Variants in MICU3 observed in about 807,000 individuals in gnomAD.
The protein encoded by MICU3 is mitochondrial calcium uptake 3.
A neutral mutation model predicts 66.5 loss-of-function variants in MICU3; 62 were observed. The observed-to-expected ratio is 0.93, with a 90% confidence interval of 0.76 to 1.15. The LOEUF (loss-of-function observed/expected upper bound fraction) is 1.15, where lower values mean the gene tolerates loss of function less well. Ranked by LOEUF, MICU3 falls within the 50% of genes most tolerant of loss-of-function variation. The pLI, the probability that MICU3 is intolerant of heterozygous loss-of-function variation, is 0.00. For missense variants in MICU3, 779 were observed against 664.4 expected (o/e 1.17, Z -1.90); for synonymous variants, 308 against 240.7 (o/e 1.28, Z -2.59).
At chr8:17,105,676 CTG>C in intron 11 of MICU3, 92 bp downstream of exon 11, 1 of 647,390 alleles carries the variant, frequency 1.5e-6, no homozygotes, top group Non-Finnish European at 2.5e-6. Flanking sequence ...TTTGGCTTCT[CTG>C]TGGATTAAAA....
At chr8:17,082,217 A>T (rs888034143) in intron 5 of MICU3, among the ~76,000 whole-genome samples, 7 of 152,076 alleles carry the variant, frequency 4.6e-5, no homozygotes, top group African/African-American at 1.7e-4. Context: ...TTTCAGTTAA[A>T]TTTCTTTGCA....
In MICU3 at chr8:17,122,243, A is replaced by AAGTAAATTACAGTGATTTCCATCATATT. The variant is rs1737197714; in HGVS notation, c.*1958_*1985dup. ...AAATGTTCTGATAAAATAGAAAAGA[A>AAGTAAATTACAGTGATTTCCATCATATT]AGTAAATTACAGTGATTTCCATCAT... is the stretch of plus-strand genomic sequence containing the variant. On this transcript the variant is annotated 3_prime_UTR_variant, in exon 15 of 15. Coordinates refer to ENST00000318063, the MANE Select transcript of MICU3 (RefSeq NM_181723.3). 6.6e-6 allele frequency: 1 copy of AAGTAAATTACAGTGATTTCCATCATATT among 151,864 alleles called. No homozygotes were observed. The highest frequency in any genetic ancestry group is 2.4e-5 in the African/African-American group (1 of 41,428). The allele number at this position is 151,864 out of a possible 1,614,324, so 9.4% of individuals were successfully genotyped here.
At chr8:17,111,351 C>T (rs1160943548) in intron 11 of MICU3, among the ~76,000 whole-genome samples, 1 of 151,986 alleles carries the variant, frequency 6.6e-6, no homozygotes, top group East Asian at 1.9e-4. Context: ...CAGACAGGGT[C>T]TCACTCTGTT....
chr8:17,037,926 TG>T (rs1437443011), intron 1 of MICU3, among the ~76,000 whole-genome samples: 1 of 152,206 alleles, frequency 6.6e-6, no homozygotes, highest in East Asian at 1.9e-4. Flanking sequence ...TGGACTGGCA[TG>T]GGACTGTAGC....
chr8:17,027,304 T>G lies in MICU3; in HGVS notation c.25T>G (p.Trp9Gly). Residue 9 changes from tryptophan to glycine, a missense_variant, in exon 1 of 15, where the codon TGG becomes GGG. By Grantham distance (184) the Trp-to-Gly change is radical (BLOSUM62 -2). Transcript: ENST00000318063. Reference sequence around the variant, plus strand: ...TATGGCTGCGCTGCGAAGGCTCTTGTGGCCGCCACCCCGGGTGTCTCCTCC... The same window carrying G: ...TATGGCTGCGCTGCGAAGGCTCTTGGGGCCGCCACCCCGGGTGTCTCCTCC... The part of the protein sequence containing the change: MAALRRLL[W>G]PPPRVSPPLC... 5.1e-6 allele frequency: 7 copies of G among 1,382,094 alleles called. No individual in the cohort carries two copies. The highest frequency in any genetic ancestry group is 6.6e-6 in the Non-Finnish European group (7 of 1,056,358). 85.6% of individuals were successfully genotyped at this position (1,382,094 alleles called of 1,614,324 possible).
intron 5 of MICU3, among the ~76,000 whole-genome samples, chr8:17,084,465 G>T (rs1821661731): frequency 6.6e-6 from 1 of 152,016 alleles, no homozygotes; most frequent in South Asian, 2.1e-4. Flanking sequence ...TCTGTGGGGG[G>T]TCCCTTTTTC....
chr8:17,030,875 C>G (rs1172001648), intron 1 of MICU3, among the ~76,000 whole-genome samples: 1 of 152,148 alleles, frequency 6.6e-6, no homozygotes, highest in East Asian at 1.9e-4. Flanking sequence ...TCTCTTAAGT[C>G]AATTATCACT....
chr8:17,028,450 T>A (rs1488384256), intron 1 of MICU3, among the ~76,000 whole-genome samples: 1 of 152,306 alleles, frequency 6.6e-6, no homozygotes, highest in Non-Finnish European at 1.5e-5. Flanking sequence ...GGAGCGTGAT[T>A]TTTTTTGTCG....
At chr8:17,041,748 G>A (rs1011091832) in intron 1 of MICU3, among the ~76,000 whole-genome samples, 38 of 152,188 alleles carry the variant, frequency 2.5e-4, no homozygotes, top group Admixed American at 2.5e-3. Context: ...TTTAATCTTA[G>A]ATAATAGGAG....
the MICU3 span, chr8:17,132,564 A>C: frequency 3.9e-5 from 6 of 152,206 alleles, no homozygotes; most frequent in African/African-American, 1.2e-4. Context: ...TCCTCTTGGC[A>C]ATAGGGATCA....
intron 4 of MICU3, among the ~76,000 whole-genome samples, chr8:17,079,107 G>T (rs1820801993): frequency 6.6e-6 from 1 of 151,790 alleles, no homozygotes. Flanking sequence ...GGAAGTCCTA[G>T]GTTTAGGCAT....
chr8:17,033,898 G>T (rs1375622215), intron 1 of MICU3, among the ~76,000 whole-genome samples: 1 of 152,188 alleles, frequency 6.6e-6, no homozygotes, highest in African/African-American at 2.4e-5. Flanking sequence ...GGTAGCAGGT[G>T]ATCCAGAAGA....
At chr8:17,134,431 TTTTGTTTG>T in the MICU3 span, among the ~76,000 whole-genome samples, 34 of 148,730 alleles carry the variant, frequency 2.3e-4, no homozygotes, top group African/African-American at 6.5e-4. Context: ...AAAGTCAGCC[TTTTGTTTG>T]TTTGTTTGTT....
intron 9 of MICU3, among the ~76,000 whole-genome samples, chr8:17,103,740 A>G (rs1801484692): frequency 6.6e-6 from 1 of 151,954 alleles, no homozygotes; most frequent in African/African-American, 2.4e-5. Context: ...TGGGAAAGCA[A>G]AAATCCTCTG....
intron 1 of MICU3, among the ~76,000 whole-genome samples, chr8:17,036,977 A>C (rs1813124826): frequency 6.6e-6 from 1 of 152,228 alleles, no homozygotes. Context: ...AAGGCAGCTA[A>C]GGCTCGGCGA....
chr8:17,109,622 A>C (rs2150822654), intron 11 of MICU3, among the ~76,000 whole-genome samples: 2 of 152,336 alleles, frequency 1.3e-5, no homozygotes, highest in African/African-American at 4.8e-5. Context: ...AAGGATTCAC[A>C]GGACTAGAAA....
intron 7 of MICU3, among the ~76,000 whole-genome samples, chr8:17,090,256 C>G (rs1255506716): frequency 6.6e-6 from 1 of 152,058 alleles, no homozygotes; most frequent in African/African-American, 2.4e-5. Context: ...CCGCATACTT[C>G]AGGACAACGT....
chr8:17,126,316 C>A (rs1030887130), downstream of MICU3, among the ~76,000 whole-genome samples: 5 of 152,010 alleles, frequency 3.3e-5, no homozygotes, highest in Non-Finnish European at 7.4e-5. Flanking sequence ...GAGTTTATTA[C>A]CATATGTTTC....
rs1820602824 is a variant in MICU3 at position 17,077,785 on chromosome 8, A to G, written c.570A>G (p.Glu190=). 3 of 1,608,600 alleles carry G rather than the reference A, an allele frequency of 1.9e-6. No homozygotes were observed. The highest frequency in any genetic ancestry group is 2.7e-5 in the African/African-American group (2 of 74,770). The change falls in exon 4 of 15, where the codon GAA becomes GAG. Residue 190 remains glutamate, a splice_region_variant and synonymous_variant. Coordinates refer to ENST00000318063, the MANE Select transcript of MICU3 (RefSeq NM_181723.3). ...CAGTAGTATAACTTCTGTCATAGGA[A>G]TTAAATCAAATGCTCGCAGAAACAC... ...AKTWKSLSKQ[E]LNQMLAETPP...
Sources: allele counts gnomAD v4.1 joint callset (sites outside exome capture counted in the v4.1 genomes callset), GRCh38; gene constraint gnomAD v4.1.1; transcripts MANE v1.5; gene names NCBI Gene and HGNC (gene_info 2026-07-23, HGNC 2026-07-21).